ADAMTS20: variants seen among roughly 807,000 people sequenced by gnomAD.
ADAMTS20 encodes A disintegrin and metalloproteinase with thrombospondin motifs 20.
In ADAMTS20, 225 loss-of-function variants were observed where a neutral mutation model predicts 260.1. The observed-to-expected ratio is 0.87, with a 90% CI of 0.78 to 0.97. ADAMTS20 has a LOEUF of 0.97. Ranked by LOEUF, ADAMTS20 falls within the 50% of genes least tolerant of loss-of-function variation. The pLI, the probability that ADAMTS20 is intolerant of heterozygous loss-of-function variation, is 0.00. For synonymous variants in ADAMTS20, 802 were observed against 769.5 expected (o/e 1.04, Z -0.70); for missense variants, 2,400 against 2,337.7 (o/e 1.03, Z -0.55).
At chr12:43,384,218 T>G (rs889761954) in intron 29 of ADAMTS20, among the ~76,000 whole-genome samples, 5 of 152,232 alleles carry the variant, frequency 3.3e-5, no homozygotes, top group African/African-American at 1.2e-4. Flanking sequence ...CAAGTTATAG[T>G]AGACAGCATC....
At chr12:43,454,123 C>T in intron 11 of ADAMTS20, 71 bp from the exon 12 acceptor site, 2 of 1,523,198 alleles carry the variant, frequency 1.3e-6, no homozygotes, top group Non-Finnish European at 1.8e-6. Flanking sequence ...ATTATAATAG[C>T]AGCATAAAGA....
chr12:43,471,010 G>C (rs112666226), intron 7 of ADAMTS20, among the ~76,000 whole-genome samples: 11 of 152,196 alleles, frequency 7.2e-5, no homozygotes, highest in East Asian at 5.8e-4. Flanking sequence ...GAACAGCTCC[G>C]GTCTACAGCT....
chr12:43,485,847 C>A (rs1255355809), intron 7 of ADAMTS20, among the ~76,000 whole-genome samples: 2 of 151,930 alleles, frequency 1.3e-5, no homozygotes, highest in African/African-American at 4.8e-5. Flanking sequence ...AATAAAATAC[C>A]TAGGAATACA....
rs757066230 is a variant in ADAMTS20, at chr12:43,399,216, A to G, written c.4302T>C (p.Gly1434=). ...ACACTTCACGGTACTTTCTACCTTT[A>G]CCACAAGAAGCTGAGCACTAGAAAA... ...EPWTSCSASC[G]KGRKYREVFC... The change falls in exon 29 of 39, where the codon GGT becomes GGC. Residue 1434 remains glycine (G), a synonymous_variant. Coordinates refer to ENST00000389420, the MANE Select transcript of ADAMTS20 (RefSeq NM_025003.5). 8.4e-6 allele frequency: 13 copies of G among 1,540,676 alleles called. No homozygotes were observed. In the East Asian group the frequency reaches 3.1e-4, roughly 37 times the overall value.
chr12:43,363,904 G>A (rs1353849899), intron 37 of ADAMTS20, among the ~76,000 whole-genome samples: 1 of 152,174 alleles, frequency 6.6e-6, no homozygotes, highest in Non-Finnish European at 1.5e-5. Context: ...AGATTATGGA[G>A]TTATTTATGC....
chr12:43,545,952 T>A (rs1031706288), intron 2 of ADAMTS20, among the ~76,000 whole-genome samples: 2 of 152,100 alleles, frequency 1.3e-5, no homozygotes, highest in Non-Finnish European at 2.9e-5. Context: ...CATAAGAAAT[T>A]TTCCATACTG....
intron 7 of ADAMTS20, among the ~76,000 whole-genome samples, chr12:43,469,718 A>G (rs889766057): frequency 5.3e-5 from 8 of 152,170 alleles, no homozygotes; most frequent in South Asian, 2.1e-4. Flanking sequence ...ATTAGCTCCT[A>G]GTTTAGCTCT....
intron 28 of ADAMTS20, among the ~76,000 whole-genome samples, chr12:43,424,980 A>G (rs1309289904): frequency 6.6e-6 from 1 of 152,152 alleles, no homozygotes; most frequent in Non-Finnish European, 1.5e-5. Flanking sequence ...CACAATTTAT[A>G]AAGAGAATAA....
At chr12:43,396,600 A>G (rs1383956000) in intron 29 of ADAMTS20, among the ~76,000 whole-genome samples, 2 of 152,184 alleles carry the variant, frequency 1.3e-5, no homozygotes, top group Non-Finnish European at 2.9e-5. Flanking sequence ...ACTAATTTCT[A>G]TGACAAGGAA....
chr12:43,494,227 T>G (rs918131340), intron 4 of ADAMTS20, among the ~76,000 whole-genome samples: 1 of 152,208 alleles, frequency 6.6e-6, no homozygotes, highest in Admixed American at 6.5e-5. Context: ...CCCTCAGTTG[T>G]TTAATAAAGA....
At chr12:43,454,798 C>T (rs1337878270) in intron 11 of ADAMTS20, among the ~76,000 whole-genome samples, 1 of 152,116 alleles carries the variant, frequency 6.6e-6, no homozygotes, top group Non-Finnish European at 1.5e-5. Context: ...AATAACACAA[C>T]TTGAGAGTAA....
chr12:43,393,431 T>C (rs1316700404), intron 29 of ADAMTS20, among the ~76,000 whole-genome samples: 3 of 152,002 alleles, frequency 2.0e-5, no homozygotes, highest in African/African-American at 7.2e-5. Context: ...TAACACTGCA[T>C]ACATTAGTGC....
intron 16 of ADAMTS20, among the ~76,000 whole-genome samples, chr12:43,443,557 G>A (rs914949729): frequency 2.7e-5 from 4 of 150,450 alleles, no homozygotes; most frequent in Non-Finnish European, 4.4e-5. Context: ...TAAAATACAC[G>A]AGAAAAAAAC....
intron 3 of ADAMTS20, among the ~76,000 whole-genome samples, chr12:43,529,978 A>T (rs1228131217): frequency 6.6e-6 from 1 of 152,132 alleles, no homozygotes; most frequent in Non-Finnish European, 1.5e-5. Flanking sequence ...TTTATTAGTG[A>T]TTAAAAATGT....
At chr12:43,465,784 G>A (rs1942142049) in intron 9 of ADAMTS20, among the ~76,000 whole-genome samples, 1 of 151,970 alleles carries the variant, frequency 6.6e-6, no homozygotes, top group African/African-American at 2.4e-5. Flanking sequence ...ATTAAGTTGT[G>A]CTTTTAAGTC....
Position 43,399,105 on chromosome 12 carries a change from A to T in ADAMTS20, c.4413T>A (p.Ser1471=), listed in dbSNP as rs1445881023. The change falls in exon 29 of 39, where the codon TCT becomes TCA. Residue 1471 remains serine, a synonymous_variant. Coordinates refer to ENST00000389420, the MANE Select transcript of ADAMTS20 (RefSeq NM_025003.5). ...TGGCTTTCCATGAAGGGCATCTGAC[A>T]GATCTACAGGCTTTGTGAGTTGGAG... ...QKPPTHKACR[S]VRCPSWKANS... 2 of 1,543,036 alleles carry T rather than the reference A, an allele frequency of 1.3e-6. No homozygotes were observed. The highest frequency in any genetic ancestry group is 2.4e-5 in the South Asian group (2 of 82,390).
At chr12:43,524,682 G>C in intron 3 of ADAMTS20, among the ~76,000 whole-genome samples, 1 of 152,122 alleles carries the variant, frequency 6.6e-6, no homozygotes, top group Admixed American at 6.5e-5. Context: ...AGAACTTCTA[G>C]AAATGAAAGA....
intron 3 of ADAMTS20, among the ~76,000 whole-genome samples, chr12:43,527,788 G>T (rs11182133): frequency 0.68 from 103,684 of 151,922 alleles, 35,684 homozygotes; most frequent in East Asian, 0.99. Flanking sequence ...AAGGCAAGGA[G>T]GCCCACTTTT....
intron 3 of ADAMTS20, among the ~76,000 whole-genome samples, chr12:43,519,799 G>A (rs776606335): frequency 2.6e-5 from 4 of 152,096 alleles, no homozygotes; most frequent in Non-Finnish European, 5.9e-5. Context: ...GAGAGATAAC[G>A]AATTCAGAAA....
Sources: gnomAD v4.1 joint callset for allele counts (sites outside exome capture counted in the v4.1 genomes callset) on GRCh38, gnomAD v4.1.1 for gene constraint, MANE v1.5 for transcripts, NCBI Gene and HGNC (gene_info 2026-07-23, HGNC 2026-07-21) for gene names.